Variants in CCAR2 observed in about 807,000 individuals in gnomAD.
CCAR2 encodes the protein cell cycle and apoptosis regulator 2, also known as cell cycle and apoptosis regulator protein 2.
A neutral mutation model predicts 108.1 loss-of-function variants in CCAR2; 21 were observed. The ratio of observed to expected loss-of-function variants is 0.19; its 90% CI spans 0.14 to 0.28. CCAR2 has a LOEUF of 0.28. Ranked by LOEUF, CCAR2 falls within the 10% of genes least tolerant of loss-of-function variation. CCAR2 has a pLI of 1.00. For synonymous variants in CCAR2, 577 were observed against 472.8 expected, an observed-to-expected ratio of 1.22 and a Z score of -2.86; for missense variants, 1,126 against 1,177.0, an observed-to-expected ratio of 0.96 and a Z score of 0.63.
In CCAR2 at chr8:22,616,383, A is replaced by C. The variant is rs543212190; in HGVS notation, c.1845+135A>C. The C allele has an allele frequency of 1.0e-5, 8 of 788,106 alleles. No homozygotes were observed. The South Asian group carries it at 1.2e-4, about 11-fold the overall frequency. The allele number at this position is 788,106 out of a possible 1,614,324, so 48.8% of individuals were successfully genotyped here. ...TGCTCGGCATGGACTGAGGCCGCAC[A>C]GCTAGTAAGTAGCACACCTAGTGCA... On this transcript the variant is annotated intron_variant, in intron 14 of 20. Coordinates refer to ENST00000308511, the MANE Select transcript of CCAR2 (RefSeq NM_001393997.1).
chr8:22,608,914 C>T (rs887148795), intron 7 of CCAR2, among the ~76,000 whole-genome samples: 7 of 152,226 alleles, frequency 4.6e-5, no homozygotes, highest in African/African-American at 1.7e-4. Context: ...TTCATCTCTA[C>T]CTCCATCTAT....
chr8:22,606,486 G>T (rs1386382526), intron 3 of CCAR2, 121 bp from the exon 4 acceptor site: 8 of 780,436 alleles, frequency 1.0e-5, no homozygotes, highest in Non-Finnish European at 1.5e-5. Flanking sequence ...ACTTCACTCT[G>T]TGCGAACTCT....
chr8:22,605,491 T>C, intron 1 of CCAR2: 1 of 417,580 alleles, frequency 2.4e-6, no homozygotes, highest in Non-Finnish European at 4.3e-6. Flanking sequence ...AGCATCAGTT[T>C]CCTTGTCTGT....
intron 7 of CCAR2, among the ~76,000 whole-genome samples, chr8:22,610,566 A>G (rs1046598357): frequency 1.3e-5 from 2 of 152,260 alleles, no homozygotes; most frequent in African/African-American, 4.8e-5. Context: ...AGAGTTGTCA[A>G]AGTGGCTTTG....
Position 22,615,519 on chromosome 8 carries a change from C to T in CCAR2, c.1300C>T (p.Pro434Ser). The change falls in exon 12 of 21, where the codon CCT becomes TCT. Residue 434 changes from proline (P) to serine (S), a missense_variant. Physicochemically the swap from Pro to Ser is moderately conservative, Grantham distance 74. Around this residue, in one of 4 missense-constraint regions of CCAR2, gnomAD observed 1,013 missense variants for 993.9 expected, o/e 1.02. Transcript: ENST00000308511. ...CCTGCCGGATGTCTGGACCATCATG[C>T]CTACTTTGGAGGAGTGGGAGGCCCT... ...VYLPDVWTIM[P>S]TLEEWEALCQ... The T allele has an allele frequency of 3.7e-6, 6 of 1,613,994 alleles. No homozygotes were observed. The highest frequency in any genetic ancestry group is 5.1e-6 in the Non-Finnish European group (6 of 1,180,026).
intron 2 of CCAR2, 57 bp from the exon 3 acceptor site, chr8:22,606,028 G>T (rs567678932): frequency 6.7e-7 from 1 of 1,492,938 alleles, no homozygotes; most frequent in South Asian, 1.1e-5. Context: ...TCCTTTGGTT[G>T]ACTCGTGCTT....
At chr8:22,607,881 C>T (rs1176103536) in intron 6 of CCAR2, 88 bp from the exon 7 acceptor site, 17 of 1,029,958 alleles carry the variant, frequency 1.7e-5, no homozygotes, top group Non-Finnish European at 2.6e-5. Flanking sequence ...CTGCACTGTC[C>T]TCTCAAAGTG....
chr8:22,610,848 C>T (rs1801245113), intron 7 of CCAR2, among the ~76,000 whole-genome samples: 1 of 152,184 alleles, frequency 6.6e-6, no homozygotes, highest in African/African-American at 2.4e-5. Context: ...TTATTTCTCT[C>T]ATGTGACATG....
intron 7 of CCAR2, among the ~76,000 whole-genome samples, chr8:22,609,172 TC>T (rs1801191208): frequency 6.6e-6 from 1 of 151,752 alleles, no homozygotes; most frequent in African/African-American, 2.4e-5. Context: ...TGCCTCGGCC[TC>T]CGCAGTAGCT....
intron 19 of CCAR2, 51 bp downstream of exon 19, chr8:22,619,066 G>C: frequency 6.2e-7 from 1 of 1,601,692 alleles, no homozygotes; most frequent in Non-Finnish European, 8.5e-7. Context: ...GACCAGTAGG[G>C]AACCTGCTGC....
At chr8:22,606,383 A>C (rs1327949765) in intron 3 of CCAR2, among the ~76,000 whole-genome samples, 6 of 152,190 alleles carry the variant, frequency 3.9e-5, no homozygotes, top group African/African-American at 1.2e-4. Flanking sequence ...TCTTGGAATT[A>C]ATGAACTGGA....
chr8:22,618,462 C>A lies in CCAR2; in HGVS notation c.2187C>A (p.Leu729=). Residue 729 remains leucine (L), a synonymous_variant, in exon 17 of 21, where the codon CTC becomes CTA. Transcript: ENST00000308511. ...YLHRRDLERI[L]LTLGIRLSAE... is the part of the protein sequence containing the mutation. ...ACCGGCGAGACTTAGAGAGGATCCTCCTTACCCTTGGGATCCGGCTCAGTG... is the reference window on the plus strand; with the variant it reads ...ACCGGCGAGACTTAGAGAGGATCCTACTTACCCTTGGGATCCGGCTCAGTG... The A allele has an allele frequency of 6.2e-7, 1 of 1,614,228 alleles. No individual in the cohort carries two copies. Among genetic ancestry groups the A allele is most frequent in the South Asian group, 1.1e-5 (1 of 91,084 alleles).
At chr8:22,606,496 TTGA>T (rs1801084557) in intron 3 of CCAR2, 108 bp from the exon 4 acceptor site, 1 of 831,906 alleles carries the variant, frequency 1.2e-6, no homozygotes, top group Admixed American at 2.0e-5. Context: ...GTGCGAACTC[TTGA>T]TGCAGTACGC....
chr8:22,619,308 A>C lies in CCAR2; in HGVS notation c.2680A>C (p.Arg894=), dbSNP rs200337445. The change falls in exon 20 of 21, where the codon AGG becomes CGG. Residue 894 remains arginine, a synonymous_variant. Transcript: ENST00000308511. ...QLQRLLQELR[R]RLTPLQLEIQ... ...CCAGCGGCTGCTGCAGGAGCTCCGC[A>C]GGCGTCTGACCCCCCTGCAGCTGGA... 8.3e-6 allele frequency: 13 copies of C among 1,564,150 alleles called. No homozygotes were observed. The highest frequency in any genetic ancestry group is 5.2e-6 in the Non-Finnish European group (6 of 1,155,128).
intron 15 of CCAR2, 37 bp from the exon 16 acceptor site, chr8:22,617,659 T>C: frequency 1.2e-6 from 2 of 1,613,968 alleles, no homozygotes; most frequent in South Asian, 1.1e-5. Context: ...TGGAGTTGGG[T>C]GGGCCCTGCT....
chr8:22,613,652 C>T (rs770587549), intron 8 of CCAR2, among the ~76,000 whole-genome samples: 2 of 152,102 alleles, frequency 1.3e-5, no homozygotes, highest in Admixed American at 6.5e-5. Flanking sequence ...CACTGTTAGC[C>T]GACTTTTTCA....
chr8:22,614,068 G>A, intron 8 of CCAR2, 24 bp from the exon 9 acceptor site: 1 of 1,599,798 alleles, frequency 6.3e-7, no homozygotes, highest in Non-Finnish European at 8.6e-7. Flanking sequence ...GCTCAGTCTG[G>A]ATTCCCTTGC....
rs1801050542 is a variant in CCAR2, at chr8:22,605,753, T to A, written c.-21T>A. 6.2e-7 allele frequency: 1 copy of A among 1,611,308 alleles called. No homozygotes were observed. Among genetic ancestry groups the A allele is most frequent in the Non-Finnish European group, 8.5e-7 (1 of 1,178,098 alleles). ...GATTGAAGCCTTTTCCCCACGACTC[T>A]GAAAGAGGACAGCGTTCCCAATGTC... On this transcript the variant is annotated 5_prime_UTR_variant, in exon 2 of 21. Transcript: ENST00000308511.
At chr8:22,615,644 C>T (rs918820557) in intron 12 of CCAR2, 38 bp from the exon 13 acceptor site, 6 of 1,613,662 alleles carry the variant, frequency 3.7e-6, no homozygotes, top group Admixed American at 3.3e-5. Context: ...TGGCCTAATC[C>T]CGGGACCCAG....
Sources: gnomAD v4.1 joint callset for allele counts (sites outside exome capture counted in the v4.1 genomes callset) on GRCh38, gnomAD v4.1.1 for gene constraint, gnomAD v4.1.1 regional missense constraint, MANE v1.5 for transcripts, NCBI Gene and HGNC (gene_info 2026-07-23, HGNC 2026-07-21) for gene names.